The following KRT6C variants were observed in gnomAD, a reference collection of about 807,000 sequenced individuals.
The protein encoded by KRT6C is keratin 6C.
A neutral mutation model predicts 49.4 loss-of-function variants in KRT6C; 46 were observed. The observed-to-expected ratio is 0.93, with a 90% CI of 0.74 to 1.19. The LOEUF is 1.19. Ranked by LOEUF, KRT6C falls within the 50% of genes most tolerant of loss-of-function variation. KRT6C has a pLI of 0.00. For synonymous variants in KRT6C, 236 were observed against 297.1 expected, an observed-to-expected ratio of 0.79 and a Z score of 2.12; for missense variants, 552 against 737.5, an observed-to-expected ratio of 0.75 and a Z score of 2.91.
rs765095803 is a variant in KRT6C, at chr12:52,471,228, G to A, written c.981C>T (p.Asn327=). The change falls in exon 5 of 9, where the codon AAC becomes AAT. Residue 327 remains asparagine (N), a synonymous_variant. Transcript: ENST00000252250. ...SVVLSMDNNR[N]LDLDSIIAEV... ...CAGCGATGATGCTGTCCAGGTCCAGGTTGCGGTTGTTGTCCATGGATAGCA... is the reference window on the plus strand; with the variant it reads ...CAGCGATGATGCTGTCCAGGTCCAGATTGCGGTTGTTGTCCATGGATAGCA... 9.9e-6 allele frequency: 16 copies of A among 1,614,182 alleles called. No homozygotes were observed. Among genetic ancestry groups the A allele is most frequent in the African/African-American group, 2.7e-5 (2 of 75,042 alleles).
intron 1 of KRT6C, among the ~76,000 whole-genome samples, chr12:52,472,936 A>C (rs901317971): frequency 6.7e-6 from 1 of 148,440 alleles, no homozygotes; most frequent in Non-Finnish European, 1.5e-5. Context: ...AACCTACTCC[A>C]CTCTCTGATG....
At chr12:52,470,973 A>G (rs184023087) in intron 5 of KRT6C, among the ~76,000 whole-genome samples, 159 bp downstream of exon 5, 4,809 of 152,192 alleles carry the variant, frequency 0.032, 214 homozygotes, top group African/African-American at 0.1. Context: ...CTTGACTTGC[A>G]CATAAGTTCC....
At chr12:52,470,668 G>A (rs1277364566) in intron 5 of KRT6C, 38 bp from the exon 6 acceptor site, 2 of 1,613,746 alleles carry the variant, frequency 1.2e-6, no homozygotes, top group Non-Finnish European at 1.7e-6. Flanking sequence ...AGTGTCTACG[G>A]GTTCTTACCT....
chr12:52,470,025 C>G, intron 6 of KRT6C, 135 bp from the exon 7 acceptor site: 2 of 1,053,250 alleles, frequency 1.9e-6, no homozygotes, highest in Non-Finnish European at 2.9e-6. Flanking sequence ...CAGTATTTCT[C>G]CATTTGGCAA....
At chr12:52,469,976 C>T in intron 6 of KRT6C, 86 bp from the exon 7 acceptor site, 3 of 1,453,022 alleles carry the variant, frequency 2.1e-6, no homozygotes, top group Non-Finnish European at 2.9e-6. Flanking sequence ...GGTCCTGTAA[C>T]CCAAAATTGA....
intron 6 of KRT6C, chr12:52,470,176 G>A (rs1236003361): frequency 3.3e-6 from 2 of 601,852 alleles, no homozygotes; most frequent in East Asian, 2.9e-5. Context: ...TGCTCGGTTT[G>A]TACTGAGTGC....
chr12:52,470,401 A>G (rs932064615), intron 6 of KRT6C, 104 bp downstream of exon 6: 4 of 1,587,448 alleles, frequency 2.5e-6, no homozygotes, highest in Middle Eastern at 1.7e-4. Context: ...TCCTCACCCT[A>G]GTGTTGGTTT....
chr12:52,469,420 C>T lies in KRT6C; in HGVS notation c.1450G>A (p.Val484Ile). Reference sequence around the variant, plus strand: ...AAGCAAAGGTACTTACAGACGTTGACTTGTCCAACGCCTTCGCCATTCAGC... The same window carrying T: ...AAGCAAAGGTACTTACAGACGTTGATTTGTCCAACGCCTTCGCCATTCAGC... Reference protein sequence around the residue: ...CRLNGEGVGQVNVSVVQSTIS... With the variant: ...CRLNGEGVGQINVSVVQSTIS... Residue 484 changes from valine to isoleucine, a missense_variant, in exon 8 of 9, where the codon GTC becomes ATC. Around this residue, in one of 3 missense-constraint regions of KRT6C, gnomAD observed 425 missense variants for 439.4 expected, o/e 0.97. Transcript: ENST00000252250. 1 of 1,613,970 alleles carries T rather than the reference C, an allele frequency of 6.2e-7. No individual in the cohort carries two copies. The highest frequency in any genetic ancestry group is 8.5e-7 in the Non-Finnish European group (1 of 1,179,874).
Position 52,473,272 on chromosome 12 carries a change from T to G in KRT6C, c.466A>C (p.Ile156Leu). The G allele has an allele frequency of 6.8e-7, 1 of 1,477,480 alleles. No individual in the cohort carries two copies. The highest frequency in any genetic ancestry group is 9.4e-7 in the Non-Finnish European group (1 of 1,066,778). The allele number at this position is 1,477,480 out of a possible 1,614,324, so 91.5% of individuals were successfully genotyped here. A position where few individuals can be genotyped will look rare whatever the true frequency, so the allele number is the denominator to read the frequency against. Residue 156 changes from isoleucine to leucine, a missense_variant, in exon 1 of 9, where the codon ATC (isoleucine) becomes CTC (leucine). Physicochemically the swap from Ile to Leu is conservative, Grantham distance 5. Transcript: ENST00000252250. Reference sequence around the variant, plus strand: ...CGCTCCTCGGCCCGCACCCGCTGGATGGCGGGGTCAATTTGCAGGTTGAGG... The same window carrying G: ...CGCTCCTCGGCCCGCACCCGCTGGAGGGCGGGGTCAATTTGCAGGTTGAGG... ...TPLNLQIDPA[I>L]QRVRAEEREQ...
chr12:52,470,003 A>C, intron 6 of KRT6C, 113 bp from the exon 7 acceptor site: 2 of 1,182,752 alleles, frequency 1.7e-6, no homozygotes, highest in Non-Finnish European at 2.5e-6. Flanking sequence ...ATGAGCTTTG[A>C]CTCTTCCTGT....
In KRT6C at chr12:52,470,630, A is replaced by C. The variant is rs781165932; in HGVS notation, c.1078T>G (p.Tyr360Asp). The C allele has an allele frequency of 6.2e-7, 1 of 1,613,888 alleles. No homozygotes were observed. Among genetic ancestry groups the C allele is most frequent in the Non-Finnish European group, 8.5e-7 (1 of 1,179,958 alleles). ...AEAESWYQTK[Y>D]EELQVTAGRH... ...CCTGCTGTGACCTGCAGCTCCTCGT[A>C]CTGCAGCCCAGAGGTGGAGAGAGAG... Residue 360 changes from tyrosine to aspartate, a missense_variant and splice_region_variant, in exon 6 of 9, where the codon TAC becomes GAC. Coordinates refer to ENST00000252250, the MANE Select transcript of KRT6C (RefSeq NM_173086.5).
chr12:52,471,936 C>A, intron 2 of KRT6C, 130 bp downstream of exon 2: 2 of 1,123,740 alleles, frequency 1.8e-6, no homozygotes, highest in South Asian at 2.6e-5. Flanking sequence ...GTGGTTCTTG[C>A]AGGTTTGCTC....
chr12:52,470,096 A>C lies in KRT6C; in HGVS notation c.1204-206T>G. 4 of 678,216 alleles carry C rather than the reference A, an allele frequency of 5.9e-6. No homozygotes were observed. The South Asian group carries it at 7.3e-5, about 12-fold the overall frequency. The allele number at this position is 678,216 out of a possible 1,614,324, so 42.0% of individuals were successfully genotyped here. ...TATGCCCCTTGTATTAAGCACCCGC[A>C]TGAGAATGTGCGTTGCATCTTATGG... is the stretch of plus-strand genomic sequence containing the variant. On this transcript the variant is annotated intron_variant, in intron 6 of 8. Coordinates refer to ENST00000252250, the MANE Select transcript of KRT6C (RefSeq NM_173086.5).
At chr12:52,471,820 G>C in intron 2 of KRT6C, 88 bp from the exon 3 acceptor site, 1 of 1,457,352 alleles carries the variant, frequency 6.9e-7, no homozygotes, top group Non-Finnish European at 9.7e-7. Context: ...TTCCTGAATG[G>C]AATATATTCT....
rs1937900172 is a variant in KRT6C at position 52,472,233 on chromosome 12, G to A, written c.588C>T (p.Thr196=). 6.9e-7 allele frequency: 1 copy of A among 1,453,380 alleles called. No homozygotes were observed. The highest frequency in any genetic ancestry group is 1.3e-5 in the African/African-American group (1 of 74,222). The allele number at this position is 1,453,380 out of a possible 1,614,324, so 90.0% of individuals were successfully genotyped here. ...TCTTGGTGCCCTGCTCCTGCAGCAG[G>A]GTCCACTTGGTGTCCAGAACCTTGT... ...QQNKVLDTKW[T]LLQEQGTKTV... The change falls in exon 2 of 9, where the codon ACC becomes ACT. Residue 196 remains threonine, a synonymous_variant. Transcript: ENST00000252250.
At chr12:52,469,508 G>A in intron 7 of KRT6C, 63 bp from the exon 8 acceptor site, 1 of 1,613,762 alleles carries the variant, frequency 6.2e-7, no homozygotes. Flanking sequence ...GGACCAGTGT[G>A]GGCAGCCTCG....
chr12:52,473,542 C>T lies in KRT6C; in HGVS notation c.196G>A (p.Gly66Ser). The change falls in exon 1 of 9, where the codon GGC becomes AGC. Residue 66 changes from glycine to serine, a missense_variant. Physicochemically the swap from Gly to Ser is moderately conservative, Grantham distance 56. Around this residue, in one of 3 missense-constraint regions of KRT6C, gnomAD observed 73 missense variants for 102.1 expected, o/e 0.71. Transcript: ENST00000252250. ...CCTCCAATGGAGATCCTCTTGGAGC[C>T]CCCCAGGCCATACAGACTGCGGCTG... ...FGSRSLYGLGGSKRISIGGGS... is the reference protein window; with the variant it reads ...FGSRSLYGLGSSKRISIGGGS... 1.9e-6 allele frequency: 3 copies of T among 1,576,220 alleles called. No homozygotes were observed. Among genetic ancestry groups the T allele is most frequent in the East Asian group, 2.3e-5 (1 of 44,394 alleles).
chr12:52,469,003 C>G lies in KRT6C; in HGVS notation c.*59G>C, dbSNP rs759071269. 2.4e-5 allele frequency: 39 copies of G among 1,609,004 alleles called. 1 individual carries two copies. Among genetic ancestry groups the G allele is most frequent in the South Asian group, 2.1e-4 (19 of 90,788 alleles). ...GGAGAGGATAGGCAACCTGAGGAGACGGCTCTGCAGCCAGAGAAGGGCCTG... is the reference window on the plus strand; with the variant it reads ...GGAGAGGATAGGCAACCTGAGGAGAGGGCTCTGCAGCCAGAGAAGGGCCTG... On this transcript the variant is annotated 3_prime_UTR_variant, in exon 9 of 9. Transcript: ENST00000252250.
chr12:52,470,651 G>T, intron 5 of KRT6C, 21 bp from the exon 6 acceptor site: 1 of 1,613,828 alleles, frequency 6.2e-7, no homozygotes, highest in Non-Finnish European at 8.5e-7. Flanking sequence ...GAGGTGGAGA[G>T]AGAGACAGTG....
Sources: gnomAD v4.1 joint callset for allele counts (sites outside exome capture counted in the v4.1 genomes callset) on GRCh38, gnomAD v4.1.1 for gene constraint, gnomAD v4.1.1 regional missense constraint, MANE v1.5 for transcripts, NCBI Gene and HGNC (gene_info 2026-07-23, HGNC 2026-07-21) for gene names.